Variants in PPP2R2B observed in about 807,000 individuals in gnomAD.
PPP2R2B encodes protein phosphatase 2 regulatory subunit Bbeta.
PPP2R2B carries 5 observed loss-of-function variants against 46.0 expected under a neutral mutation model. That is an observed-to-expected ratio of 0.11 (90% CI 0.06 to 0.23). PPP2R2B has a LOEUF of 0.23. PPP2R2B is among the 10% of genes least tolerant of loss of function. The pLI, the probability that PPP2R2B is intolerant of heterozygous loss-of-function variation, is 1.00. For synonymous variants in PPP2R2B, 215 were observed against 206.7 expected (o/e 1.04, Z -0.34); for missense variants, 367 against 575.0 (o/e 0.64, Z 3.70).
chr5:146,745,202 GAGAGAA>G (rs71001403), intron 2 of PPP2R2B, among the ~76,000 whole-genome samples: 37,191 of 106,558 alleles, frequency 0.35, 7,172 homozygotes, highest in Non-Finnish European at 0.44. Flanking sequence ...GAGAGAGAGA[GAGAGAA>G]AGAGACTATA....
chr5:146,978,063 C>G (rs1028573797), intron 1 of PPP2R2B, among the ~76,000 whole-genome samples: 13 of 152,190 alleles, frequency 8.5e-5, no homozygotes, highest in African/African-American at 3.1e-4. Context: ...TTAATGATCA[C>G]CATTCTAACT....
intron 1 of PPP2R2B, among the ~76,000 whole-genome samples, chr5:146,994,313 T>G (rs1364495915): frequency 6.6e-6 from 1 of 151,930 alleles, no homozygotes; most frequent in Non-Finnish European, 1.5e-5. Context: ...AGTGGCTGAG[T>G]CAGGAGGGGA....
At chr5:146,767,443 G>A (rs1020536527) in intron 2 of PPP2R2B, among the ~76,000 whole-genome samples, 1 of 152,120 alleles carries the variant, frequency 6.6e-6, no homozygotes, top group Non-Finnish European at 1.5e-5. Context: ...TCAGTAGGAA[G>A]TGTTTCTAAC....
At chr5:146,712,650 A>T (rs1160276975) in intron 2 of PPP2R2B, among the ~76,000 whole-genome samples, 1 of 152,206 alleles carries the variant, frequency 6.6e-6, no homozygotes, top group Non-Finnish European at 1.5e-5. Context: ...CTGTCACCCC[A>T]CTGATCACCA....
chr5:146,615,270 C>A (rs1455680823), intron 7 of PPP2R2B, among the ~76,000 whole-genome samples: 1 of 79,618 alleles, frequency 1.3e-5, no homozygotes, highest in African/African-American at 5.9e-5. Context: ...CCAAACACCG[C>A]ATATTCTCAC....
chr5:146,948,461 CTAT>C lies in PPP2R2B; in HGVS notation c.79+107201_79+107203del, dbSNP rs560730914. Among the ~76,000 whole-genome samples the C allele has an allele frequency of 2.8e-3, 432 of 151,984 alleles. 2 individuals are homozygous for C. Among genetic ancestry groups the C allele is most frequent in the African/African-American group, 0.01 (423 of 41,448 alleles). On this transcript the variant is annotated intron_variant, in intron 1 of 8. Transcript: ENST00000336640. ...ATGGTAAAATTTCAATAAATATTAGCTATTATTATTATATTTCTAGTTTCTAAT... is the reference window on the plus strand; with the variant it reads ...ATGGTAAAATTTCAATAAATATTAGCTATTATTATATTTCTAGTTTCTAAT...
chr5:146,990,763 A>G lies in PPP2R2B; in HGVS notation c.79+64902T>C, dbSNP rs1171686628. On this transcript the variant is annotated intron_variant, in intron 1 of 8. Transcript: ENST00000336640. ...TTCTTTACAGATAAGGAAACAATCAACCGAGTGAAGAGTAAAATATGGAGG... is the reference window on the plus strand; with the variant it reads ...TTCTTTACAGATAAGGAAACAATCAGCCGAGTGAAGAGTAAAATATGGAGG... Among the ~76,000 whole-genome samples, 16 of 152,262 alleles carry G rather than the reference A, an allele frequency of 1.1e-4. No homozygotes were observed. In the East Asian group the frequency reaches 3.1e-3, roughly 29 times the overall value.
At chr5:147,019,703 C>T (rs1276844854) in intron 1 of PPP2R2B, among the ~76,000 whole-genome samples, 8 of 152,090 alleles carry the variant, frequency 5.3e-5, no homozygotes, top group Admixed American at 4.6e-4. Flanking sequence ...TGGCTCTTGT[C>T]TTAACAACTA....
intron 2 of PPP2R2B, among the ~76,000 whole-genome samples, chr5:146,747,430 G>A (rs1433771844): frequency 6.6e-6 from 1 of 152,192 alleles, no homozygotes; most frequent in Non-Finnish European, 1.5e-5. Flanking sequence ...TACTCACAGG[G>A]ATGCTGCAGG....
chr5:146,654,279 G>A (rs1776177585), intron 5 of PPP2R2B, among the ~76,000 whole-genome samples: 1 of 152,170 alleles, frequency 6.6e-6, no homozygotes. Flanking sequence ...GGTGGGGGGA[G>A]GTGGAGTATC....
At chr5:146,652,194 T>C (rs986094020) in intron 5 of PPP2R2B, among the ~76,000 whole-genome samples, 1 of 152,204 alleles carries the variant, frequency 6.6e-6, no homozygotes, top group Non-Finnish European at 1.5e-5. Context: ...CAATAGGCTA[T>C]GAGGTCTGGG....
At chr5:146,915,051 A>G (rs1763330812) in intron 1 of PPP2R2B, among the ~76,000 whole-genome samples, 1 of 152,166 alleles carries the variant, frequency 6.6e-6, no homozygotes, top group Non-Finnish European at 1.5e-5. Context: ...ATTTAACAGA[A>G]GATTCAAGGT....
rs115018751 is a variant in PPP2R2B at position 146,878,608 on chromosome 5, G to A, written c.-142C>T. On this transcript the variant is annotated 5_prime_UTR_variant, in exon 1 of 10. Transcript: ENST00000394411. This position sits in a 1 kb window ranked among gnomAD's most constrained non-coding sequence, Gnocchi z 4.5. ...AGGCTTGCCTGGCCGGAATGAGGGT[G>A]CTGGTCCCACGGGAGGGCGGCTCCG... The A allele has an allele frequency of 2.4e-6, 3 of 1,242,804 alleles. No homozygotes were observed. Among genetic ancestry groups the A allele is most frequent in the Non-Finnish European group, 3.1e-6 (3 of 966,762 alleles). 77.0% of individuals were successfully genotyped at this position (1,242,804 alleles called of 1,614,324 possible). A position where few individuals can be genotyped will look rare whatever the true frequency, so the allele number is the denominator to read the frequency against.
At position 146,865,607 on chromosome 5, in the gene PPP2R2B, G is replaced by A. The variant is rs190926811; in HGVS notation, c.70+12395C>T. ...AAATATTTTATACCTAGGTTTTTTA[G>A]CACAGTGCCTAATATATAATAAATG... On this transcript the variant is annotated intron_variant, in intron 2 of 9. Coordinates refer to ENST00000394411, the MANE Select transcript of PPP2R2B (RefSeq NM_181675.4). Among the ~76,000 whole-genome samples, 263 of 152,144 alleles carry A rather than the reference G, an allele frequency of 1.7e-3. 1 individual carries two copies. The highest frequency in any genetic ancestry group is 5.7e-3 in the African/African-American group (235 of 41,504).
chr5:147,055,172 G>A (rs1238871827), intron 1 of PPP2R2B, among the ~76,000 whole-genome samples: 1 of 152,146 alleles, frequency 6.6e-6, no homozygotes, highest in Non-Finnish European at 1.5e-5. Context: ...TGTAACCCAA[G>A]TACAGACTCC....
chr5:146,981,635 T>C (rs1203052533), intron 1 of PPP2R2B, among the ~76,000 whole-genome samples: 2 of 152,174 alleles, frequency 1.3e-5, no homozygotes, highest in African/African-American at 4.8e-5. Flanking sequence ...CTTGCAAAAC[T>C]ATAATATACT....
chr5:147,038,545 A>G (rs1453130155), intron 1 of PPP2R2B, among the ~76,000 whole-genome samples: 1 of 152,180 alleles, frequency 6.6e-6, no homozygotes, highest in African/African-American at 2.4e-5. Flanking sequence ...ATTCTGTTCA[A>G]TGAGTGGCTG....
At chr5:146,921,364 A>G (rs1409169906) in intron 1 of PPP2R2B, among the ~76,000 whole-genome samples, 1 of 152,216 alleles carries the variant, frequency 6.6e-6, no homozygotes, top group Non-Finnish European at 1.5e-5. Context: ...CCATGAATCA[A>G]GCAGCTACTC....
chr5:146,908,919 G>T (rs1041544164), intron 1 of PPP2R2B, among the ~76,000 whole-genome samples: 1 of 152,042 alleles, frequency 6.6e-6, no homozygotes, highest in Non-Finnish European at 1.5e-5. Flanking sequence ...CTCCTGAGTT[G>T]CCTCCCGAGT....
Sources: gnomAD v4.1 joint callset for allele counts (sites outside exome capture counted in the v4.1 genomes callset) on GRCh38, gnomAD v4.1.1 for gene constraint, Gnocchi (gnomAD v3.1) non-coding constraint, MANE v1.5 for transcripts, NCBI Gene and HGNC (gene_info 2026-07-23, HGNC 2026-07-21) for gene names.